Variants in SLC35D4 observed in about 807,000 individuals in gnomAD.
SLC35D4 encodes solute carrier family 35 member D4.
chr18:23,275,410 C>T, the SLC35D4 span, among the ~76,000 whole-genome samples: 1 of 152,150 alleles, frequency 6.6e-6, no homozygotes, highest in Non-Finnish European at 1.5e-5. Flanking sequence ...ACTCAAGGAC[C>T]ATGAACCGTG....
At chr18:23,387,906 G>T in the SLC35D4 span, among the ~76,000 whole-genome samples, 15 of 151,894 alleles carry the variant, frequency 9.9e-5, no homozygotes, top group Admixed American at 9.8e-4. Context: ...GATTATTAAA[G>T]AGATTACATA....
At chr18:23,286,668 G>A in the SLC35D4 span, among the ~76,000 whole-genome samples, 1 of 151,720 alleles carries the variant, frequency 6.6e-6, no homozygotes, top group African/African-American at 2.4e-5. Flanking sequence ...CTTTTCAAGG[G>A]CCTGTTTCCC....
At chr18:23,269,567 T>G in the SLC35D4 span, among the ~76,000 whole-genome samples, 3 of 152,206 alleles carry the variant, frequency 2.0e-5, no homozygotes, top group African/African-American at 7.2e-5. Context: ...GGAAGCAATT[T>G]TGGAACTGGG....
chr18:23,375,885 C>T, the SLC35D4 span, among the ~76,000 whole-genome samples: 3 of 152,200 alleles, frequency 2.0e-5, no homozygotes, highest in East Asian at 1.9e-4. Context: ...CCCTGGTTTA[C>T]GGCCTATTCC....
chr18:23,326,366 A>C, the SLC35D4 span, among the ~76,000 whole-genome samples: 9 of 152,204 alleles, frequency 5.9e-5, no homozygotes, highest in Admixed American at 5.9e-4. Flanking sequence ...AGATCTACCA[A>C]GCAAATGGAA....
the SLC35D4 span, among the ~76,000 whole-genome samples, chr18:23,393,390 C>T: frequency 6.6e-6 from 1 of 152,088 alleles, no homozygotes; most frequent in African/African-American, 2.4e-5. Context: ...AACTCTGTGC[C>T]CATTAAACAC....
chr18:23,298,851 T>C, the SLC35D4 span, among the ~76,000 whole-genome samples: 1 of 152,160 alleles, frequency 6.6e-6, no homozygotes. Context: ...TCAGACCCTT[T>C]CCTTCCCTTC....
the SLC35D4 span, among the ~76,000 whole-genome samples, chr18:23,286,938 C>T: frequency 2.0e-5 from 3 of 151,786 alleles, no homozygotes; most frequent in Admixed American, 1.3e-4. Context: ...ATCCCCCCAC[C>T]TTAACCCACA....
the SLC35D4 span, among the ~76,000 whole-genome samples, chr18:23,243,476 T>G: frequency 4.0e-5 from 6 of 149,924 alleles, no homozygotes; most frequent in East Asian, 1.9e-4. Context: ...GTGTTTTTTT[T>G]TTTTTTTTTT....
chr18:23,340,692 G>A, the SLC35D4 span, among the ~76,000 whole-genome samples: 1 of 152,254 alleles, frequency 6.6e-6, no homozygotes, highest in Admixed American at 6.5e-5. Context: ...CATTGTCTTC[G>A]GGACATGAGA....
the SLC35D4 span, among the ~76,000 whole-genome samples, chr18:23,309,094 G>A: frequency 1.3e-5 from 2 of 152,024 alleles, no homozygotes; most frequent in African/African-American, 4.8e-5. Context: ...ATACTGTACT[G>A]TTTAGGAAAT....
At chr18:23,424,309 A>G in the SLC35D4 span, among the ~76,000 whole-genome samples, 1 of 152,238 alleles carries the variant, frequency 6.6e-6, no homozygotes. Flanking sequence ...AACAGATGGA[A>G]TTTAAAAAGC....
chr18:23,383,508 G>A, the SLC35D4 span, among the ~76,000 whole-genome samples: 2 of 152,052 alleles, frequency 1.3e-5, no homozygotes, highest in Non-Finnish European at 2.9e-5. Context: ...GACAGTTTCA[G>A]GGGAACGGCG....
chr18:23,410,794 T>C, the SLC35D4 span, among the ~76,000 whole-genome samples: 1 of 152,096 alleles, frequency 6.6e-6, no homozygotes, highest in Admixed American at 6.5e-5. Flanking sequence ...TGAGACTCCA[T>C]CTCAAAAACA....
At chr18:23,290,225 G>T in the SLC35D4 span, among the ~76,000 whole-genome samples, 1 of 152,208 alleles carries the variant, frequency 6.6e-6, no homozygotes, top group East Asian at 1.9e-4. Flanking sequence ...TAACCATGGG[G>T]TCTGTTTCAA....
At chr18:23,373,616 T>G in the SLC35D4 span, 3 of 1,420,570 alleles carry the variant, frequency 2.1e-6, no homozygotes, top group Non-Finnish European at 3.0e-6. Context: ...CAAGTTATCC[T>G]GCTTCTAAAA....
At chr18:23,347,496 C>T in the SLC35D4 span, among the ~76,000 whole-genome samples, 109 of 152,246 alleles carry the variant, frequency 7.2e-4, no homozygotes, top group Middle Eastern at 6.8e-3. Context: ...GTGATCACGG[C>T]TCACTGCATC....
At chr18:23,390,047 T>A in the SLC35D4 span, among the ~76,000 whole-genome samples, 3,957 of 152,274 alleles carry the variant, frequency 0.026, 71 homozygotes, top group Non-Finnish European at 0.035. Context: ...GCAATAATAG[T>A]AGCTAAGATA....
chr18:23,256,712 C>T, the SLC35D4 span, among the ~76,000 whole-genome samples: 8 of 152,168 alleles, frequency 5.3e-5, no homozygotes, highest in African/African-American at 4.8e-5. Context: ...CTCAAACTCC[C>T]GACCTCAAGT....
Sources: gnomAD v4.1 joint callset for allele counts (sites outside exome capture counted in the v4.1 genomes callset) on GRCh38, gnomAD v4.1.1 for gene constraint, MANE v1.5 for transcripts, NCBI Gene and HGNC (gene_info 2026-07-23, HGNC 2026-07-21) for gene names.